Variants in CHCHD6 observed in about 807,000 individuals in gnomAD.
CHCHD6 encodes MICOS complex subunit MIC25.
In CHCHD6, 28 loss-of-function variants were observed where a neutral mutation model predicts 32.3. That is an observed-to-expected ratio of 0.87 (90% CI 0.64 to 1.19). The LOEUF is 1.19. CHCHD6 is among the 50% of genes most tolerant of loss of function. The probability of loss-of-function intolerance (pLI) is 0.00; values close to 1 mark genes in which losing one functional copy is unlikely to be tolerated. For missense variants in CHCHD6, 333 were observed against 307.0 expected, an observed-to-expected ratio of 1.08 and a Z score of -0.63; for synonymous variants, 122 against 117.5, an observed-to-expected ratio of 1.04 and a Z score of -0.25.
intron 4 of CHCHD6, among the ~76,000 whole-genome samples, chr3:126,843,943 A>G (rs567635962): frequency 6.6e-6 from 1 of 152,170 alleles, no homozygotes; most frequent in South Asian, 2.1e-4. Context: ...TAATTGCATT[A>G]TCTGTCATTT....
intron 4 of CHCHD6, among the ~76,000 whole-genome samples, chr3:126,788,430 A>G (rs1938339598): frequency 3.9e-5 from 6 of 152,150 alleles, no homozygotes; most frequent in Admixed American, 3.3e-4. Context: ...CTCTGGTAGA[A>G]TTCTGCTGTG....
intron 4 of CHCHD6, among the ~76,000 whole-genome samples, chr3:126,754,350 A>G (rs182747060): frequency 6.6e-6 from 1 of 152,318 alleles, no homozygotes; most frequent in Admixed American, 6.5e-5. Flanking sequence ...CATAGGTCCT[A>G]GAAAGCAATC....
intron 1 of CHCHD6, 123 bp downstream of exon 1, chr3:126,704,522 G>A: frequency 1.8e-6 from 1 of 562,248 alleles, no homozygotes; most frequent in Non-Finnish European, 2.8e-6. Context: ...GGGAGACTCC[G>A]GGGGCTCAGG....
intron 5 of CHCHD6, among the ~76,000 whole-genome samples, chr3:126,908,568 C>T (rs1028092334): frequency 6.6e-6 from 1 of 152,200 alleles, no homozygotes; most frequent in African/African-American, 2.4e-5. Context: ...CTGCTCTCTG[C>T]CAGGCACTGT....
Position 126,957,558 on chromosome 3 carries a change from C to A in CHCHD6, c.702+7C>A, listed in dbSNP as rs1279053060. On this transcript the variant is annotated splice_region_variant and intron_variant, in intron 7 of 7. Coordinates refer to ENST00000290913, the MANE Select transcript of CHCHD6 (RefSeq NM_032343.3). ...CGTGAGCGCCGCCCACAAGGTAAGG[C>A]CTTGCCTGCCTCCCAGGTTTCCAAG... 3 of 1,558,310 alleles carry A rather than the reference C, an allele frequency of 1.9e-6. No homozygotes were observed.
intron 6 of CHCHD6, among the ~76,000 whole-genome samples, chr3:126,941,225 A>G (rs974146805): frequency 1.3e-5 from 2 of 152,222 alleles, no homozygotes; most frequent in Non-Finnish European, 2.9e-5. Context: ...TGAACGAAGT[A>G]AAGATCTGCT....
chr3:126,830,093 G>A (rs1349360315), intron 4 of CHCHD6, among the ~76,000 whole-genome samples: 2 of 152,140 alleles, frequency 1.3e-5, no homozygotes, highest in Non-Finnish European at 2.9e-5. Context: ...GTGAGACTCT[G>A]TCTCAAAAAA....
At chr3:126,899,501 T>C (rs1472996856) in intron 5 of CHCHD6, among the ~76,000 whole-genome samples, 1 of 152,230 alleles carries the variant, frequency 6.6e-6, no homozygotes, top group African/African-American at 2.4e-5. Context: ...CACGCGTTTC[T>C]GAGTGAGATG....
chr3:126,927,253 T>G (rs958347675), intron 6 of CHCHD6, among the ~76,000 whole-genome samples: 21 of 152,162 alleles, frequency 1.4e-4, no homozygotes, highest in African/African-American at 5.1e-4. Flanking sequence ...GCATGGGGCA[T>G]GCGCTGAACA....
chr3:126,732,808 TAC>T (rs1256583458), intron 3 of CHCHD6, among the ~76,000 whole-genome samples: 5 of 152,222 alleles, frequency 3.3e-5, no homozygotes, highest in Non-Finnish European at 5.9e-5. Flanking sequence ...TGGGGCTGCC[TAC>T]TTGGCCAGGT....
At chr3:126,749,695 C>T (rs1366477242) in intron 4 of CHCHD6, among the ~76,000 whole-genome samples, 1 of 152,240 alleles carries the variant, frequency 6.6e-6, no homozygotes, top group Non-Finnish European at 1.5e-5. Flanking sequence ...CTCTTCAGTT[C>T]CTGACCAGTG....
chr3:126,819,338 G>C (rs907224977), intron 4 of CHCHD6, among the ~76,000 whole-genome samples: 3 of 152,134 alleles, frequency 2.0e-5, no homozygotes, highest in Non-Finnish European at 2.9e-5. Context: ...GACCTTCCTT[G>C]CCCACTGTCT....
At chr3:126,946,918 A>G (rs1178849688) in intron 6 of CHCHD6, among the ~76,000 whole-genome samples, 1 of 152,376 alleles carries the variant, frequency 6.6e-6, no homozygotes, top group Non-Finnish European at 1.5e-5. Flanking sequence ...CACCAGGCCA[A>G]TATTATCAGA....
chr3:126,937,137 A>C (rs1469199529), intron 6 of CHCHD6, among the ~76,000 whole-genome samples: 1 of 152,256 alleles, frequency 6.6e-6, no homozygotes, highest in Non-Finnish European at 1.5e-5. Context: ...CATAAGTGAA[A>C]TTAAGTGCCT....
intron 4 of CHCHD6, among the ~76,000 whole-genome samples, chr3:126,795,929 G>A (rs1481666988): frequency 6.6e-6 from 1 of 152,166 alleles, no homozygotes; most frequent in Non-Finnish European, 1.5e-5. Flanking sequence ...ATGTGTTGGA[G>A]GTAAGAGCTC....
chr3:126,865,098 TCCA>T (rs1172432500), intron 5 of CHCHD6, among the ~76,000 whole-genome samples: 4 of 122,850 alleles, frequency 3.3e-5, no homozygotes, highest in Admixed American at 7.5e-5. Flanking sequence ...CTCCTCCTCC[TCCA>T]CCACCACCTC....
intron 4 of CHCHD6, among the ~76,000 whole-genome samples, chr3:126,760,581 G>T (rs1338203584): frequency 6.6e-6 from 1 of 152,108 alleles, no homozygotes; most frequent in South Asian, 2.1e-4. Flanking sequence ...TATATAAGTG[G>T]AATCATAACA....
At chr3:126,883,235 G>A (rs1281166517) in intron 5 of CHCHD6, among the ~76,000 whole-genome samples, 2 of 152,160 alleles carry the variant, frequency 1.3e-5, no homozygotes, top group African/African-American at 4.8e-5. Flanking sequence ...GTGTTTCCCC[G>A]AGTTCTGTGA....
chr3:126,947,882 G>A (rs1021212404), intron 6 of CHCHD6, among the ~76,000 whole-genome samples: 6 of 152,162 alleles, frequency 3.9e-5, no homozygotes, highest in African/African-American at 1.4e-4. Context: ...TTTCCATTAT[G>A]TGGGTTAAGG....
Sources: allele counts gnomAD v4.1 joint callset (sites outside exome capture counted in the v4.1 genomes callset), GRCh38; gene constraint gnomAD v4.1.1; transcripts MANE v1.5; gene names NCBI Gene and HGNC (gene_info 2026-07-23, HGNC 2026-07-21).